Variants in PRKAG2 observed in about 807,000 individuals in gnomAD.
The protein encoded by PRKAG2 is 5'-AMP-activated protein kinase subunit gamma-2.
Under a neutral mutation model 69.6 loss-of-function variants are expected in PRKAG2, and 26 were observed. The observed-to-expected ratio is 0.37, with a 90% CI of 0.27 to 0.52. The LOEUF (loss-of-function observed/expected upper bound fraction) is 0.52, where lower values mean the gene tolerates loss of function less well. Ranked by LOEUF, PRKAG2 falls within the 20% of genes least tolerant of loss-of-function variation. The pLI, the probability that PRKAG2 is intolerant of heterozygous loss-of-function variation, is 0.90. For missense variants in PRKAG2, 557 were observed against 740.0 expected (o/e 0.75, Z 2.87); for synonymous variants, 293 against 285.0 (o/e 1.03, Z -0.28).
intron 5 of PRKAG2, among the ~76,000 whole-genome samples, chr7:151,627,090 TCAC>T (rs1259344198): frequency 6.6e-6 from 1 of 152,140 alleles, no homozygotes; most frequent in African/African-American, 2.4e-5. Context: ...AAGCAAAAGA[TCAC>T]CAAGTGCCGG....
rs1003010038 is a variant in PRKAG2, at chr7:151,788,842, G to A, written c.115-2301C>T. Among the ~76,000 whole-genome samples the A allele has an allele frequency of 1.3e-5, 2 of 152,136 alleles. No individual in the cohort carries two copies. Among genetic ancestry groups the A allele is most frequent in the African/African-American group, 4.8e-5 (2 of 41,416 alleles). On this transcript the variant is annotated intron_variant, in intron 1 of 15. Transcript: ENST00000287878. This position sits in a 1 kb window ranked among gnomAD's most constrained non-coding sequence, Gnocchi z 4.6. ...TTTTGTATATGGTATAAACGTAAGG[G>A]TGCAATTTCATTCTTTTACATGTAG...
In PRKAG2 at chr7:151,874,432, G is replaced by GTAT. The variant is rs1299519113; in HGVS notation, c.114+2074_114+2075insATA. On this transcript the variant is annotated intron_variant, in intron 1 of 15. Coordinates refer to ENST00000287878, the MANE Select transcript of PRKAG2 (RefSeq NM_016203.4). ...ATATGATGTATATGTATATGTATAT[G>GTAT]ATGTATATGTATATGTATATGATGT... Among the ~76,000 whole-genome samples, 6 of 44,456 alleles carry GTAT rather than the reference G, an allele frequency of 1.3e-4. 1 individual carries two copies. Among genetic ancestry groups the GTAT allele is most frequent in the Non-Finnish European group, 2.3e-4 (5 of 21,958 alleles). 29.2% of individuals were successfully genotyped at this position (44,456 alleles called of 152,430 possible).
In PRKAG2 at chr7:151,683,553, T is replaced by A. The variant is rs183417927; in HGVS notation, c.467-7916A>T. On this transcript the variant is annotated intron_variant, in intron 3 of 15. Transcript: ENST00000287878. ...AGTAATGTATTCTGCTGACTGTTGT[T>A]ACAAGAGCCATGAAGTGAGAAGAGC... Among the ~76,000 whole-genome samples, 100 of 152,286 alleles carry A rather than the reference T, an allele frequency of 6.6e-4. 1 individual carries two copies. Among genetic ancestry groups the A allele is most frequent in the Non-Finnish European group, 1.8e-4 (12 of 68,024 alleles).
chr7:151,659,186 G>T (rs531776194), intron 4 of PRKAG2, among the ~76,000 whole-genome samples: 1 of 152,128 alleles, frequency 6.6e-6, no homozygotes, highest in Non-Finnish European at 1.5e-5. Context: ...ATTGGATCTA[G>T]GCGGTTTATT....
At chr7:151,670,783 G>C (rs564885547) in intron 4 of PRKAG2, among the ~76,000 whole-genome samples, 1 of 152,312 alleles carries the variant, frequency 6.6e-6, no homozygotes, top group South Asian at 2.1e-4. Flanking sequence ...TTTCCCATTA[G>C]CAGGGCTCAC....
chr7:151,572,759 A>C, intron 8 of PRKAG2, 50 bp from the exon 9 acceptor site: 1 of 1,140,392 alleles, frequency 8.8e-7, no homozygotes, highest in Non-Finnish European at 1.3e-6. Context: ...CAACATAGAA[A>C]AAATATTTGG....
Position 151,565,766 on chromosome 7 carries a change from T to C in PRKAG2, c.1353A>G (p.Ile451Met), listed in dbSNP as rs777389152. The C allele has an allele frequency of 6.2e-7, 1 of 1,613,902 alleles. No homozygotes were observed. Among genetic ancestry groups the C allele is most frequent in the Non-Finnish European group, 8.5e-7 (1 of 1,179,772 alleles). The change falls in exon 12 of 16, where the codon ATA becomes ATG. Residue 451 changes from isoleucine to methionine, a missense_variant. Physicochemically the swap from Ile to Met is conservative, Grantham distance 10. Transcript: ENST00000287878. ...GAGCTGATATTCGTCTTTCCACAAA[T>C]ATGTTCAAGGCTTTGATGATGGGAG... Reference protein sequence around the residue: ...PDTPIIKALNIFVERRISALP... With the variant: ...PDTPIIKALNMFVERRISALP...
intron 3 of PRKAG2, among the ~76,000 whole-genome samples, chr7:151,692,241 C>T (rs1835777060): frequency 6.6e-6 from 1 of 152,056 alleles, no homozygotes; most frequent in Admixed American, 6.6e-5. Flanking sequence ...ACTGGTGCAT[C>T]TATACAATAG....
chr7:151,576,054 C>A, intron 7 of PRKAG2: 1 of 395,386 alleles, frequency 2.5e-6, no homozygotes, highest in Admixed American at 3.8e-5. Flanking sequence ...CGATCATGGC[C>A]TTGACCTCCT....
chr7:151,799,378 T>C (rs189266873), intron 1 of PRKAG2, among the ~76,000 whole-genome samples: 1 of 152,300 alleles, frequency 6.6e-6, no homozygotes, highest in East Asian at 1.9e-4. Flanking sequence ...TAACAGTAAC[T>C]CTTACAGGAT....
intron 3 of PRKAG2, among the ~76,000 whole-genome samples, chr7:151,689,045 A>G (rs1228230316): frequency 6.6e-6 from 1 of 152,220 alleles, no homozygotes; most frequent in Non-Finnish European, 1.5e-5. Flanking sequence ...GAAGTGGAAA[A>G]TCAGTGTGAT....
intron 3 of PRKAG2, among the ~76,000 whole-genome samples, chr7:151,745,900 C>T (rs994167897): frequency 6.6e-6 from 1 of 152,154 alleles, no homozygotes; most frequent in Non-Finnish European, 1.5e-5. Context: ...TCCAAGAGCA[C>T]ACCAGGCCAA....
At chr7:151,713,519 C>T (rs1030144699) in intron 3 of PRKAG2, among the ~76,000 whole-genome samples, 3 of 151,632 alleles carry the variant, frequency 2.0e-5, no homozygotes, top group Admixed American at 1.3e-4. Context: ...GAATAATGAA[C>T]TCCATTTTTT....
intron 1 of PRKAG2, among the ~76,000 whole-genome samples, chr7:151,827,470 C>A (rs545225427): frequency 6.6e-6 from 1 of 152,188 alleles, no homozygotes; most frequent in South Asian, 2.1e-4. Flanking sequence ...AACTCCTGAC[C>A]TCAAGGGATC....
chr7:151,750,168 C>G (rs1259354289), intron 3 of PRKAG2, among the ~76,000 whole-genome samples: 1 of 151,554 alleles, frequency 6.6e-6, no homozygotes, highest in Non-Finnish European at 1.5e-5. Context: ...TCATACATTG[C>G]TGATGGGAAT....
intron 3 of PRKAG2, among the ~76,000 whole-genome samples, chr7:151,765,190 T>C (rs2151765482): frequency 6.6e-6 from 1 of 152,284 alleles, no homozygotes. Context: ...CACAGTTCTG[T>C]AGGCTCTACA....
chr7:151,865,491 T>G (rs749642117), intron 1 of PRKAG2, among the ~76,000 whole-genome samples: 1 of 152,202 alleles, frequency 6.6e-6, no homozygotes, highest in Non-Finnish European at 1.5e-5. Context: ...TGCCCCAGGT[T>G]AAGCCTTGTG....
At chr7:151,862,646 T>C (rs2079960450) in intron 1 of PRKAG2, among the ~76,000 whole-genome samples, 1 of 152,196 alleles carries the variant, frequency 6.6e-6, no homozygotes, top group African/African-American at 2.4e-5. Context: ...GAGCTTATGG[T>C]TTAATTAAGG....
chr7:151,559,553 C>A, intron 15 of PRKAG2: 1 of 984,342 alleles, frequency 1.0e-6, no homozygotes, highest in Non-Finnish European at 1.2e-6. Context: ...AAAATCACTG[C>A]TGTACTGGAA....
Sources: gnomAD v4.1 joint callset for allele counts (sites outside exome capture counted in the v4.1 genomes callset) on GRCh38, gnomAD v4.1.1 for gene constraint, Gnocchi (gnomAD v3.1) non-coding constraint, MANE v1.5 for transcripts, NCBI Gene and HGNC (gene_info 2026-07-23, HGNC 2026-07-21) for gene names.